The following XRN1 variants were observed in gnomAD, a reference collection of about 807,000 sequenced individuals.
The protein encoded by XRN1 is 5'-3' exoribonuclease 1, also known as strand-exchange protein 1 homolog.
Under a neutral mutation model 222.3 loss-of-function variants are expected in XRN1, and 67 were observed. The ratio of observed to expected loss-of-function variants is 0.30; its 90% confidence interval spans 0.25 to 0.37. The LOEUF (loss-of-function observed/expected upper bound fraction) is 0.37. Ranked by LOEUF, XRN1 falls within the 10% of genes least tolerant of loss-of-function variation. XRN1 has a pLI of 1.00. For missense variants in XRN1, 1,707 were observed against 2,000.2 expected (o/e 0.85, Z 2.80); for synonymous variants, 643 against 652.4 (o/e 0.99, Z 0.22).
At chr3:142,370,975 A>C (rs1241566254) in intron 26 of XRN1, among the ~76,000 whole-genome samples, 1 of 147,462 alleles carries the variant, frequency 6.8e-6, no homozygotes, top group East Asian at 2.0e-4. Context: ...CCTAGGAGTC[A>C]AAAAAAAAAA....
chr3:142,447,292 C>G lies in XRN1; in HGVS notation c.75+578G>C, dbSNP rs2070549027. Among the ~76,000 whole-genome samples, 1 of 152,188 alleles carries G rather than the reference C, an allele frequency of 6.6e-6. No individual in the cohort carries two copies. The highest frequency in any genetic ancestry group is 2.1e-4 in the South Asian group (1 of 4,832). On this transcript the variant is annotated intron_variant, in intron 1 of 40. Coordinates refer to ENST00000392981, the MANE Select transcript of XRN1 (RefSeq NM_001282857.2). This position sits in a 1 kb window ranked among gnomAD's most constrained non-coding sequence, Gnocchi z 4.2. ...GCCCAAGAGTTTTTTGTTTTGGCAA[C>G]AGGGGATTGGTGCTGCTTTTGAAAT...
rs151128551 is a variant in XRN1, at chr3:142,382,677, C to T, written c.2616+623G>A. Among the ~76,000 whole-genome samples the T allele has an allele frequency of 2.5e-4, 38 of 152,242 alleles. 1 individual carries two copies. Among genetic ancestry groups the T allele is most frequent in the African/African-American group, 7.9e-4 (33 of 41,534 alleles). The stretch of plus-strand genomic sequence containing the variant: ...CCTTTTAGTGAGTTATGAAATTAGA[C>T]GTCAAGATCTGGGTGGTACATGTGC... On this transcript the variant is annotated intron_variant, in intron 22 of 40. Coordinates refer to ENST00000392981, the MANE Select transcript of XRN1 (RefSeq NM_001282857.2).
chr3:142,407,999 G>A (rs1401572532), intron 15 of XRN1, among the ~76,000 whole-genome samples: 1 of 152,208 alleles, frequency 6.6e-6, no homozygotes, highest in Non-Finnish European at 1.5e-5. Context: ...TTCCAGCACA[G>A]AATGTCAACA....
chr3:142,376,633 C>T (rs749259674), intron 23 of XRN1, 39 bp from the exon 24 acceptor site: 13 of 1,372,280 alleles, frequency 9.5e-6, no homozygotes, highest in African/African-American at 1.5e-5. Flanking sequence ...TATGGAAACA[C>T]AAGTTTACAT....
intron 23 of XRN1, 31 bp from the exon 24 acceptor site, chr3:142,376,625 T>C (rs1036551798): frequency 2.7e-6 from 4 of 1,465,832 alleles, no homozygotes; most frequent in Non-Finnish European, 2.8e-6. Context: ...AGGTCAATTA[T>C]GGAAACACAA....
At chr3:142,418,418 C>T in intron 12 of XRN1, 86 bp downstream of exon 12, 4 of 1,059,480 alleles carry the variant, frequency 3.8e-6, no homozygotes, top group Non-Finnish European at 5.5e-6. Flanking sequence ...CTTTTTCTCC[C>T]ACTACTTCAT....
chr3:142,311,752 T>C lies in XRN1; in HGVS notation c.4844A>G (p.Gln1615Arg). ...CTGGCTAGTCTGAACTGGAGTGGCT[T>C]GAGAACTCTGGGCTTCCTTATTCTC... ...NFENKEAQSS[Q>R]ATPVQTSQPD... The change falls in exon 41 of 41, where the codon CAA (glutamine) becomes CGA (arginine). Residue 1615 changes from glutamine to arginine, a missense_variant. Physicochemically the swap from Gln to Arg is conservative, Grantham distance 43. Around this residue, in one of 2 missense-constraint regions of XRN1, gnomAD observed 473 missense variants for 482.0 expected, o/e 0.98. Coordinates refer to ENST00000392981, the MANE Select transcript of XRN1 (RefSeq NM_001282857.2). 1 of 1,613,164 alleles carries C rather than the reference T, an allele frequency of 6.2e-7. No homozygotes were observed. Among genetic ancestry groups the C allele is most frequent in the Non-Finnish European group, 8.5e-7 (1 of 1,179,428 alleles).
chr3:142,332,425 C>T lies in XRN1; in HGVS notation c.4172G>A (p.Arg1391Lys), dbSNP rs2065725637. The change falls in exon 36 of 41, where the codon AGA becomes AAA. Residue 1391 changes from arginine to lysine, a missense_variant. This residue lies in a region of XRN1 where 473 missense variants were observed against 482.0 expected (regional missense o/e 0.98). Transcript: ENST00000392981. The part of the protein sequence containing the change: ...IANEIPVSSN[R>K]RDEYGLPSQP... ...AGAGGGTAATCCATATTCATCTCTT[C>T]TGTTAGAGGAAACAGGGATTTCATT... 6.2e-7 allele frequency: 1 copy of T among 1,612,906 alleles called. No homozygotes were observed. The highest frequency in any genetic ancestry group is 2.2e-5 in the East Asian group (1 of 44,768).
intron 32 of XRN1, among the ~76,000 whole-genome samples, chr3:142,353,865 A>T (rs1458430772): frequency 6.6e-6 from 1 of 152,202 alleles, no homozygotes; most frequent in African/African-American, 2.4e-5. Flanking sequence ...CTCGCTAAAA[A>T]AATTATCAAC....
chr3:142,444,632 A>G (rs1235096507), intron 1 of XRN1, among the ~76,000 whole-genome samples: 1 of 152,170 alleles, frequency 6.6e-6, no homozygotes, highest in Non-Finnish European at 1.5e-5. Context: ...AAAAAAAAAG[A>G]ATGAATAAGA....
intron 35 of XRN1, chr3:142,332,753 T>C (rs1428239909): frequency 1.3e-6 from 1 of 759,882 alleles, no homozygotes; most frequent in Non-Finnish European, 2.0e-6. Context: ...CCCAGTTACC[T>C]AGTAGCAATG....
chr3:142,323,119 G>A (rs990996463), intron 37 of XRN1, among the ~76,000 whole-genome samples: 3 of 152,056 alleles, frequency 2.0e-5, no homozygotes, highest in East Asian at 1.9e-4. Flanking sequence ...CGCATCTAGC[G>A]CATGATTATA....
chr3:142,323,118 C>T (rs1382712686), intron 37 of XRN1, among the ~76,000 whole-genome samples: 1 of 152,090 alleles, frequency 6.6e-6, no homozygotes, highest in East Asian at 1.9e-4. Flanking sequence ...CCGCATCTAG[C>T]GCATGATTAT....
Position 142,421,042 on chromosome 3 carries a change from T to C in XRN1, c.1147A>G (p.Asn383Asp). The C allele has an allele frequency of 1.9e-6, 3 of 1,614,036 alleles. No homozygotes were observed. The highest frequency in any genetic ancestry group is 2.5e-6 in the Non-Finnish European group (3 of 1,179,982). ...AAGVAAEEARNYKEKKKLKGQ... is the reference protein window; with the variant it reads ...AAGVAAEEARDYKEKKKLKGQ... ...TTTAACTTTTTCTTTTCCTTGTAGT[T>C]CCTGGCTTCTTCTGCTGCGACACCT... Residue 383 changes from asparagine to aspartate, a missense_variant, in exon 10 of 41, where the codon AAC becomes GAC. Physicochemically the swap from Asn to Asp is conservative, Grantham distance 23. Around this residue, in one of 2 missense-constraint regions of XRN1, gnomAD observed 1,234 missense variants for 1,518.2 expected, o/e 0.81. Transcript: ENST00000392981.
At chr3:142,413,619 CT>C (rs2068674594) in intron 14 of XRN1, among the ~76,000 whole-genome samples, 1 of 152,212 alleles carries the variant, frequency 6.6e-6, no homozygotes. Flanking sequence ...ACCTTATCAA[CT>C]CCTGAAATAT....
At chr3:142,434,631 C>T (rs954012548) in intron 1 of XRN1, among the ~76,000 whole-genome samples, 10 of 150,558 alleles carry the variant, frequency 6.6e-5, no homozygotes, top group Non-Finnish European at 1.5e-4. Flanking sequence ...TGTGGCAGCA[C>T]GTGTCTGTTC....
At chr3:142,354,580 CTG>C (rs2107824735) in intron 32 of XRN1, among the ~76,000 whole-genome samples, 1 of 152,296 alleles carries the variant, frequency 6.6e-6, no homozygotes, top group African/African-American at 2.4e-5. Flanking sequence ...GATTTAGAGA[CTG>C]AATCTTACTC....
intron 15 of XRN1, chr3:142,407,821 T>C (rs550637274): frequency 1.9e-4 from 29 of 152,372 alleles, no homozygotes; most frequent in African/African-American, 7.0e-4. Flanking sequence ...CACAGTTCTC[T>C]TCAATTTCCA....
Position 142,425,331 on chromosome 3 carries a change from G to A in XRN1, c.518C>T (p.Thr173Ile). 6.3e-7 allele frequency: 1 copy of A among 1,597,370 alleles called. No homozygotes were observed. Among genetic ancestry groups the A allele is most frequent in the Non-Finnish European group, 8.5e-7 (1 of 1,173,364 alleles). ...GVTIYFSGHETPGEGEHKIME... is the reference protein window; with the variant it reads ...GVTIYFSGHEIPGEGEHKIME... ...GATTTTATGCTCTCCTTCTCCAGGA[G>A]TCTAAATAAAATTGTTTTTAAAAAT... Residue 173 changes from threonine to isoleucine, a missense_variant and splice_region_variant, in exon 5 of 41, where the codon ACT becomes ATT. Thr to Ile is a moderately conservative substitution (Grantham distance 89). Coordinates refer to ENST00000392981, the MANE Select transcript of XRN1 (RefSeq NM_001282857.2).
Sources: gnomAD v4.1 joint callset for allele counts (sites outside exome capture counted in the v4.1 genomes callset) on GRCh38, gnomAD v4.1.1 for gene constraint, gnomAD v4.1.1 regional missense constraint, Gnocchi (gnomAD v3.1) non-coding constraint, MANE v1.5 for transcripts, NCBI Gene and HGNC (gene_info 2026-07-23, HGNC 2026-07-21) for gene names.